C8orf34: variants seen among roughly 807,000 people sequenced by gnomAD.
C8orf34 encodes the protein chromosome 8 open reading frame 34, also known as uncharacterized protein C8orf34.
A neutral mutation model predicts 68.3 loss-of-function variants in C8orf34; 65 were observed. That is an observed-to-expected ratio of 0.95 (90% CI 0.78 to 1.17). The LOEUF is 1.17. Among genes scored for constraint, C8orf34 ranks in the 50% most tolerant of loss-of-function variants. The pLI is 0.00. For synonymous variants in C8orf34, 244 were observed against 241.2 expected (o/e 1.01, Z -0.11); for missense variants, 664 against 655.4 (o/e 1.01, Z -0.14).
At chr8:68,672,510 C>T (rs541250172) in intron 8 of C8orf34, among the ~76,000 whole-genome samples, 15 of 152,246 alleles carry the variant, frequency 9.9e-5, no homozygotes, top group South Asian at 2.1e-4. Context: ...CAGTGCTGCC[C>T]GGTCACAATG....
chr8:68,561,579 G>A (rs182175777), intron 7 of C8orf34, among the ~76,000 whole-genome samples: 14 of 152,008 alleles, frequency 9.2e-5, no homozygotes, highest in Non-Finnish European at 1.6e-4. Flanking sequence ...CAACATGGTG[G>A]AATCCTGTCT....
At chr8:68,663,001 C>T (rs1035869591) in intron 8 of C8orf34, among the ~76,000 whole-genome samples, 32 of 152,036 alleles carry the variant, frequency 2.1e-4, no homozygotes, top group African/African-American at 7.0e-4. Flanking sequence ...TGGAAGTTAC[C>T]CTTTTTGACT....
chr8:68,765,468 A>G (rs73277906), intron 10 of C8orf34, among the ~76,000 whole-genome samples: 43,345 of 151,956 alleles, frequency 0.29, 6,642 homozygotes, highest in African/African-American at 0.39. Context: ...GGACCCACCA[A>G]TGGAAATCAC....
At chr8:68,817,072 CCTATAATGGATCAGGAA>C (rs1309685429) in intron 13 of C8orf34, among the ~76,000 whole-genome samples, 1 of 152,082 alleles carries the variant, frequency 6.6e-6, no homozygotes, top group South Asian at 2.1e-4. Flanking sequence ...ATATTTAAAA[CCTATAATGGATCAGGAA>C]CTACTGTCAG....
At chr8:68,332,223 G>A (rs1426581809) in intron 1 of C8orf34, among the ~76,000 whole-genome samples, 1 of 152,166 alleles carries the variant, frequency 6.6e-6, no homozygotes, top group African/African-American at 2.4e-5. Flanking sequence ...GGTTGCCAGG[G>A]TGCTGAGCAG....
chr8:68,535,677 A>T (rs2129865305), intron 7 of C8orf34: 1 of 730,656 alleles, frequency 1.4e-6, no homozygotes, highest in South Asian at 6.3e-5. Flanking sequence ...TGTTTTAGGC[A>T]TATGAAAATA....
At chr8:68,720,043 A>G (rs1001072174) in intron 9 of C8orf34, among the ~76,000 whole-genome samples, 14 of 151,964 alleles carry the variant, frequency 9.2e-5, no homozygotes, top group Admixed American at 7.2e-4. Flanking sequence ...TATTCTTTAC[A>G]AGTGGATTAA....
chr8:68,636,781 T>A (rs1316390182), intron 7 of C8orf34, among the ~76,000 whole-genome samples: 1 of 152,162 alleles, frequency 6.6e-6, no homozygotes, highest in Non-Finnish European at 1.5e-5. Context: ...ATCATTGCAA[T>A]CATCTGCTGA....
intron 1 of C8orf34, among the ~76,000 whole-genome samples, chr8:68,349,679 C>T (rs1282428810): frequency 6.6e-6 from 1 of 151,858 alleles, no homozygotes; most frequent in African/African-American, 2.4e-5. Flanking sequence ...TTCAGGGAAT[C>T]GATTTCTCCC....
intron 7 of C8orf34, among the ~76,000 whole-genome samples, chr8:68,567,577 CTTTTTTTTTTTTTTTTTT>C (rs1160845483): frequency 1.3e-4 from 4 of 29,782 alleles, no homozygotes; most frequent in East Asian, 3.1e-3. Flanking sequence ...TTTCATTTAT[CTTTTTTTTTTTTTTTTTT>C]TTTTTTTTTT....
At chr8:68,608,615 A>G (rs1196746811) in intron 7 of C8orf34, among the ~76,000 whole-genome samples, 1 of 151,716 alleles carries the variant, frequency 6.6e-6, no homozygotes, top group African/African-American at 2.4e-5. Context: ...CAGGCAGGGT[A>G]TGAAACATGC....
At chr8:68,396,842 G>C (rs896657955) in intron 1 of C8orf34, among the ~76,000 whole-genome samples, 20 of 151,210 alleles carry the variant, frequency 1.3e-4, no homozygotes, top group Non-Finnish European at 2.4e-4. Flanking sequence ...GCAGCTTGAG[G>C]CCTTCATGAG....
intron 4 of C8orf34, among the ~76,000 whole-genome samples, chr8:68,479,811 A>G (rs567681883): frequency 6.6e-6 from 1 of 152,322 alleles, no homozygotes; most frequent in South Asian, 2.1e-4. Flanking sequence ...CTATTCTTGG[A>G]GAAATGAATG....
intron 11 of C8orf34, among the ~76,000 whole-genome samples, chr8:68,784,877 T>C (rs909625779): frequency 7.2e-5 from 11 of 152,086 alleles, no homozygotes; most frequent in African/African-American, 2.7e-4. Flanking sequence ...TCGGCTTATC[T>C]TGTACATTTC....
chr8:68,358,525 A>G (rs1285164341), intron 1 of C8orf34, among the ~76,000 whole-genome samples: 1 of 151,580 alleles, frequency 6.6e-6, no homozygotes, highest in Non-Finnish European at 1.5e-5. Flanking sequence ...TGACATTTCC[A>G]TGTTTATTTG....
intron 8 of C8orf34, among the ~76,000 whole-genome samples, chr8:68,684,704 G>A (rs533773190): frequency 6.6e-5 from 10 of 151,546 alleles, no homozygotes; most frequent in South Asian, 6.3e-4. Flanking sequence ...CATGTAAATC[G>A]AGCTCATTTC....
intron 1 of C8orf34, among the ~76,000 whole-genome samples, chr8:68,414,817 T>C (rs1254519080): frequency 6.6e-6 from 1 of 152,174 alleles, no homozygotes; most frequent in Non-Finnish European, 1.5e-5. Flanking sequence ...TGTGAAGCTC[T>C]GTATAGTTGG....
In C8orf34 at chr8:68,331,151, C is replaced by G; in HGVS notation, c.139C>G (p.Gln47Glu). 2.6e-6 allele frequency: 4 copies of G among 1,527,980 alleles called. No individual in the cohort carries two copies. Among genetic ancestry groups the G allele is most frequent in the Non-Finnish European group, 3.5e-6 (4 of 1,141,548 alleles). The allele number at this position is 1,527,980 out of a possible 1,614,324, so 94.7% of individuals were successfully genotyped here. Residue 47 changes from glutamine to glutamate, a missense_variant, in exon 1 of 14, where the codon CAG becomes GAG. Gln to Glu is a conservative substitution (Grantham distance 29). Transcript: ENST00000518698. ...CCGGGGCCGAGCCAGCCACGCAGGG[C>G]AGCCGAGGCTCCGGAGCTCCTGTCC... ...RGRGRASHAG[Q>E]PRLRSSCPGP...
chr8:68,697,902 C>T (rs1321258359), intron 8 of C8orf34, among the ~76,000 whole-genome samples: 3 of 152,026 alleles, frequency 2.0e-5, no homozygotes, highest in South Asian at 2.1e-4. Context: ...TGGTGTTGCA[C>T]GACAGCTCAC....
Sources: allele counts gnomAD v4.1 joint callset (sites outside exome capture counted in the v4.1 genomes callset), GRCh38; gene constraint gnomAD v4.1.1; transcripts MANE v1.5; gene names NCBI Gene and HGNC (gene_info 2026-07-23, HGNC 2026-07-21).